Variants in PRKG1 observed in about 807,000 individuals in gnomAD.
The protein encoded by PRKG1 is cGMP-dependent protein kinase 1.
Under a neutral mutation model 88.1 loss-of-function variants are expected in PRKG1, and 35 were observed. The ratio of observed to expected loss-of-function variants is 0.40; its 90% CI spans 0.30 to 0.53. The LOEUF is 0.53. PRKG1 is among the 20% of genes least tolerant of loss of function. The probability of loss-of-function intolerance (pLI) is 0.59; values close to 1 mark genes in which losing one functional copy is unlikely to be tolerated. For missense variants in PRKG1, 540 were observed against 839.8 expected (o/e 0.64, Z 4.41); for synonymous variants, 303 against 292.5 (o/e 1.04, Z -0.37).
intron 1 of PRKG1, among the ~76,000 whole-genome samples, chr10:51,133,704 C>A (rs1845625226): frequency 6.6e-6 from 1 of 152,098 alleles, no homozygotes; most frequent in Admixed American, 6.6e-5. Context: ...ATTTCCTTAT[C>A]CCCTACAAGC....
chr10:51,247,244 A>G (rs924793708), intron 2 of PRKG1, among the ~76,000 whole-genome samples: 2 of 151,988 alleles, frequency 1.3e-5, no homozygotes, highest in Non-Finnish European at 2.9e-5. Flanking sequence ...AAATGATTCA[A>G]GTATACTGAC....
chr10:51,532,998 G>C (rs1414134831), intron 3 of PRKG1, among the ~76,000 whole-genome samples: 1 of 152,138 alleles, frequency 6.6e-6, no homozygotes, highest in African/African-American at 2.4e-5. Flanking sequence ...AGAAAGAAAA[G>C]ACTGAGGAAA....
chr10:51,333,734 A>G (rs1163576375), intron 2 of PRKG1, among the ~76,000 whole-genome samples: 2 of 152,214 alleles, frequency 1.3e-5, no homozygotes, highest in East Asian at 1.9e-4. Context: ...ATGATTTTTC[A>G]TGCTTTCACT....
At chr10:51,951,211 G>A (rs1564724725) in intron 5 of PRKG1, among the ~76,000 whole-genome samples, 1 of 152,140 alleles carries the variant, frequency 6.6e-6, no homozygotes, top group Non-Finnish European at 1.5e-5. Flanking sequence ...CCAGAGACCT[G>A]CCCCTATGTG....
At chr10:51,811,161 T>C (rs912020462) in intron 4 of PRKG1, among the ~76,000 whole-genome samples, 1 of 152,170 alleles carries the variant, frequency 6.6e-6, no homozygotes, top group Non-Finnish European at 1.5e-5. Context: ...GTTCATAGTT[T>C]GTTTTCTGAT....
At chr10:52,171,394 C>T (rs1838671091) in intron 9 of PRKG1, among the ~76,000 whole-genome samples, 1 of 152,144 alleles carries the variant, frequency 6.6e-6, no homozygotes, top group African/African-American at 2.4e-5. Context: ...AGAATTAGAA[C>T]TTGCTGACTA....
At chr10:52,046,384 C>T (rs1845864331) in intron 5 of PRKG1, among the ~76,000 whole-genome samples, 1 of 152,036 alleles carries the variant, frequency 6.6e-6, no homozygotes, top group Non-Finnish European at 1.5e-5. Flanking sequence ...CCCCCTTCTT[C>T]CCCATCCAGT....
intron 1 of PRKG1, among the ~76,000 whole-genome samples, chr10:51,122,947 A>G (rs1263848688): frequency 6.6e-6 from 1 of 152,156 alleles, no homozygotes; most frequent in Non-Finnish European, 1.5e-5. Context: ...TGAGATATCT[A>G]ATCATAACAT....
At chr10:52,269,489 C>A (rs1841662062) in intron 10 of PRKG1, among the ~76,000 whole-genome samples, 2 of 152,076 alleles carry the variant, frequency 1.3e-5, no homozygotes, top group African/African-American at 2.4e-5. Flanking sequence ...TATCTTCATG[C>A]TCCCTCCTAA....
At chr10:50,993,519 G>T (rs1364865604) in intron 1 of PRKG1, among the ~76,000 whole-genome samples, 1 of 152,222 alleles carries the variant, frequency 6.6e-6, no homozygotes, top group African/African-American at 2.4e-5. Flanking sequence ...CGGCTGCCCT[G>T]CCCTGCGCTC....
intron 2 of PRKG1, among the ~76,000 whole-genome samples, chr10:51,311,482 A>G (rs1396377653): frequency 6.6e-6 from 1 of 152,170 alleles, no homozygotes; most frequent in East Asian, 1.9e-4. Flanking sequence ...TTACTAACTG[A>G]CTTGTCCGTG....
At chr10:52,133,783 A>T in intron 7 of PRKG1, 57 bp from the exon 8 acceptor site, 1 of 1,397,594 alleles carries the variant, frequency 7.2e-7, no homozygotes, top group South Asian at 1.2e-5. Context: ...ATCACAATGG[A>T]CACTGTGCTT....
chr10:52,124,570 C>A (rs1249141597), intron 7 of PRKG1, among the ~76,000 whole-genome samples: 3 of 152,100 alleles, frequency 2.0e-5, no homozygotes, highest in African/African-American at 7.2e-5. Flanking sequence ...TTACTGTACA[C>A]CACTGTAGAC....
chr10:52,012,403 G>A (rs555066711), intron 5 of PRKG1, among the ~76,000 whole-genome samples: 29 of 151,988 alleles, frequency 1.9e-4, no homozygotes, highest in African/African-American at 6.5e-4. Context: ...CACCACTCCT[G>A]GCTAATTTTT....
chr10:51,262,849 G>A (rs1839747258), intron 2 of PRKG1, among the ~76,000 whole-genome samples: 1 of 151,898 alleles, frequency 6.6e-6, no homozygotes, highest in African/African-American at 2.4e-5. Context: ...ATAACAAGGG[G>A]GCAATCTGGC....
rs1042101104 is a variant in PRKG1 at position 51,817,352 on chromosome 10, C to CG, written c.698+12662_698+12663insG. 1.5e-4 allele frequency among the ~76,000 whole-genome samples: 22 copies of CG among 148,582 alleles called. 1 individual carries two copies. In the East Asian group the frequency reaches 1.6e-3, roughly 11 times the overall value. On this transcript the variant is annotated intron_variant, in intron 4 of 17. Transcript: ENST00000373980. Reference sequence around the variant, plus strand: ...CCTAGTGCTATCCCTCCCCAACCCCCCCCCTCCCCTGACAGGCCCTGGTGT... The same window carrying CG: ...CCTAGTGCTATCCCTCCCCAACCCCCGCCCCTCCCCTGACAGGCCCTGGTGT...
chr10:51,175,801 A>G (rs1485232768), intron 2 of PRKG1, among the ~76,000 whole-genome samples: 1 of 152,120 alleles, frequency 6.6e-6, no homozygotes, highest in African/African-American at 2.4e-5. Context: ...GAGAAATTCT[A>G]GTGATGATGG....
intron 3 of PRKG1, among the ~76,000 whole-genome samples, chr10:51,709,546 C>G (rs539336072): frequency 6.6e-6 from 1 of 152,320 alleles, no homozygotes; most frequent in African/African-American, 2.4e-5. Context: ...GTGCAAATGA[C>G]CTATTCCTCT....
At chr10:52,233,899 G>A (rs1840602608) in intron 9 of PRKG1, among the ~76,000 whole-genome samples, 1 of 152,126 alleles carries the variant, frequency 6.6e-6, no homozygotes, top group African/African-American at 2.4e-5. Context: ...AACCTCTGCA[G>A]ACTTAAATGT....
Sources: allele counts gnomAD v4.1 joint callset (sites outside exome capture counted in the v4.1 genomes callset), GRCh38; gene constraint gnomAD v4.1.1; transcripts MANE v1.5; gene names NCBI Gene and HGNC (gene_info 2026-07-23, HGNC 2026-07-21).